Variants in TTLL6 observed in about 807,000 individuals in gnomAD.
TTLL6 encodes tubulin polyglutamylase TTLL6.
A neutral mutation model predicts 96.4 loss-of-function variants in TTLL6; 75 were observed. The ratio of observed to expected loss-of-function variants is 0.78; its 90% CI spans 0.65 to 0.94. The LOEUF (loss-of-function observed/expected upper bound fraction) is 0.94, where lower values mean the gene tolerates loss of function less well. TTLL6 is among the 40% of genes least tolerant of loss of function. The pLI is 0.00. For synonymous variants in TTLL6, 411 were observed against 419.4 expected, an observed-to-expected ratio of 0.98 and a Z score of 0.24; for missense variants, 1,030 against 1,093.0, an observed-to-expected ratio of 0.94 and a Z score of 0.81.
chr17:48,766,587 G>A (rs184430233), intron 15 of TTLL6, among the ~76,000 whole-genome samples: 1 of 152,276 alleles, frequency 6.6e-6, no homozygotes, highest in Admixed American at 6.5e-5. Context: ...AAACAGACTG[G>A]GTGTGGTGGC....
At chr17:48,797,701 C>G (rs1391537735) in intron 6 of TTLL6, among the ~76,000 whole-genome samples, 1 of 146,340 alleles carries the variant, frequency 6.8e-6, no homozygotes, top group East Asian at 2.0e-4. Flanking sequence ...GCAGGAGAAT[C>G]ACTTGAGCCC....
At chr17:48,804,394 A>G (rs773696618) in intron 2 of TTLL6, 190 of 488,342 alleles carry the variant, frequency 3.9e-4, no homozygotes, top group Non-Finnish European at 6.9e-4. Context: ...ACTGGAATGC[A>G]CAAGCTGCAG....
At chr17:48,805,897 G>A (rs917334701) in intron 1 of TTLL6, among the ~76,000 whole-genome samples, 1 of 152,152 alleles carries the variant, frequency 6.6e-6, no homozygotes, top group Non-Finnish European at 1.5e-5. Context: ...ATCACCTGAG[G>A]TCGGGAGATT....
chr17:48,787,675 C>T (rs961049327), intron 11 of TTLL6, 136 bp downstream of exon 11: 5 of 795,574 alleles, frequency 6.3e-6, no homozygotes, highest in East Asian at 5.3e-5. Context: ...GGACTACAGG[C>T]GTGAGCCACG....
Position 48,769,123 on chromosome 17 carries a change from T to A in TTLL6, c.2542A>T (p.Ile848Phe), listed in dbSNP as rs2038678342. 1 of 1,614,138 alleles carries A rather than the reference T, an allele frequency of 6.2e-7. No homozygotes were observed. The highest frequency in any genetic ancestry group is 1.3e-5 in the African/African-American group (1 of 75,026). ...YNVTLRDLLV[I>F]ATPAQLDPRP... ...GGATCCAGTTGGGCTGGAGTGGCAA[T>A]CACCAGCAGGTCCCTCAGAGTAACA... Residue 848 changes from isoleucine to phenylalanine, a missense_variant, in exon 15 of 16, where the codon ATT becomes TTT. Ile to Phe is a conservative substitution (Grantham distance 21). Transcript: ENST00000393382.
intron 13 of TTLL6, among the ~76,000 whole-genome samples, chr17:48,780,107 G>A (rs868124678): frequency 6.6e-6 from 1 of 151,950 alleles, no homozygotes; most frequent in Non-Finnish European, 1.5e-5. Flanking sequence ...AGAGGACATA[G>A]AATGAGATAT....
intron 1 of TTLL6, chr17:48,815,338 T>G (rs1396678484): frequency 6.6e-6 from 1 of 152,172 alleles, no homozygotes. Flanking sequence ...ACGTACCTCC[T>G]TTTCATCTTT....
intron 1 of TTLL6, among the ~76,000 whole-genome samples, chr17:48,813,158 A>G (rs1409969274): frequency 6.6e-6 from 1 of 152,100 alleles, no homozygotes; most frequent in Non-Finnish European, 1.5e-5. Context: ...TGCTCCCCTC[A>G]CTGCCTTTTC....
In TTLL6 at chr17:48,769,057, A is replaced by G; in HGVS notation, c.2608T>C (p.Cys870Arg). 1.9e-6 allele frequency: 3 copies of G among 1,614,194 alleles called. No homozygotes were observed. The highest frequency in any genetic ancestry group is 2.5e-6 in the Non-Finnish European group (3 of 1,180,028). ...RSHASAMRDP[C>R]MQDQEAYSHC... ...CTGTATGCTTCTTGATCCTGCATAC[A>G]TGGGTCCCTCATAGCACTTGCGTGG... Residue 870 changes from cysteine (C) to arginine (R), a missense_variant, in exon 15 of 16, where the codon TGT (cysteine) becomes CGT (arginine). By Grantham distance (180) the Cys-to-Arg change is radical (BLOSUM62 -3). Coordinates refer to ENST00000393382, the MANE Select transcript of TTLL6 (RefSeq NM_001130918.3).
At chr17:48,808,154 G>A (rs888682183) in intron 1 of TTLL6, among the ~76,000 whole-genome samples, 1 of 152,106 alleles carries the variant, frequency 6.6e-6, no homozygotes, top group African/African-American at 2.4e-5. Flanking sequence ...AGTTTTTAAT[G>A]GCTGTATGTA....
At chr17:48,786,452 C>G in intron 11 of TTLL6, 117 bp from the exon 12 acceptor site, 1 of 1,162,578 alleles carries the variant, frequency 8.6e-7, no homozygotes, top group Non-Finnish European at 1.3e-6. Flanking sequence ...ACATTCCCTC[C>G]TCCAACATAT....
chr17:48,781,921 C>T (rs923875551), intron 13 of TTLL6, among the ~76,000 whole-genome samples: 2 of 152,110 alleles, frequency 1.3e-5, no homozygotes, highest in Non-Finnish European at 2.9e-5. Context: ...GGAATAGGCC[C>T]TCACCAGACA....
At chr17:48,777,453 G>A (rs1357728933) in intron 13 of TTLL6, among the ~76,000 whole-genome samples, 1 of 151,666 alleles carries the variant, frequency 6.6e-6, no homozygotes, top group Non-Finnish European at 1.5e-5. Context: ...ATATTAGGCT[G>A]GGCGTGGTGG....
intron 8 of TTLL6, among the ~76,000 whole-genome samples, chr17:48,791,870 T>C (rs1259760200): frequency 1.3e-5 from 2 of 152,176 alleles, no homozygotes; most frequent in East Asian, 3.8e-4. Flanking sequence ...TCACTTTCAC[T>C]GTGACCCAGA....
intron 1 of TTLL6, among the ~76,000 whole-genome samples, chr17:48,808,752 G>A (rs1461396268): frequency 2.0e-5 from 3 of 151,996 alleles, no homozygotes; most frequent in African/African-American, 4.8e-5. Flanking sequence ...TGTATTTTTA[G>A]TAGAGACAGG....
At chr17:48,803,960 G>A (rs1208638654) in intron 2 of TTLL6, 32 bp from the exon 3 acceptor site, 1 of 1,550,670 alleles carries the variant, frequency 6.4e-7, no homozygotes, top group East Asian at 2.4e-5. Context: ...AAAGCAGCAA[G>A]ACAGAGACAC....
intron 13 of TTLL6, among the ~76,000 whole-genome samples, chr17:48,778,726 T>G (rs2038929094): frequency 1.3e-5 from 2 of 151,672 alleles, no homozygotes; most frequent in African/African-American, 4.8e-5. Flanking sequence ...GGTCAGGAGT[T>G]CGAGACCAGC....
chr17:48,804,446 C>T (rs1450137949), intron 2 of TTLL6: 2 of 513,464 alleles, frequency 3.9e-6, no homozygotes, highest in South Asian at 1.5e-5. Context: ...ATACTGAAGG[C>T]GTACTAAATT....
Position 48,787,982 on chromosome 17 carries a change from C to T in TTLL6, c.1418G>A (p.Gly473Asp), listed in dbSNP as rs546904043. ...TTTCTTTAACTGCACGGCCCGGAAA[C>T]CCTTGGCTTCCTCAATCCTGTTGGG... ...SREMRIEEAK[G>D]FRAVQLKKTE... Residue 473 changes from glycine (G) to aspartate (D), a missense_variant, in exon 11 of 16, where the codon GGT becomes GAT. Physicochemically the swap from Gly to Asp is moderately conservative, Grantham distance 94. Coordinates refer to ENST00000393382, the MANE Select transcript of TTLL6 (RefSeq NM_001130918.3). 6.2e-7 allele frequency: 1 copy of T among 1,613,896 alleles called. No homozygotes were observed. Among genetic ancestry groups the T allele is most frequent in the South Asian group, 1.1e-5 (1 of 91,000 alleles).
Sources: gnomAD v4.1 joint callset for allele counts (sites outside exome capture counted in the v4.1 genomes callset) on GRCh38, gnomAD v4.1.1 for gene constraint, MANE v1.5 for transcripts, NCBI Gene and HGNC (gene_info 2026-07-23, HGNC 2026-07-21) for gene names.